Variants in CNBD1 observed in about 807,000 individuals in gnomAD.
CNBD1 encodes cyclic nucleotide-binding domain-containing protein 1.
A neutral mutation model predicts 54.4 loss-of-function variants in CNBD1; 71 were observed. The observed-to-expected ratio is 1.30, with a 90% CI of 1.08 to 1.59. The LOEUF (loss-of-function observed/expected upper bound fraction) is 1.59, where lower values mean the gene tolerates loss of function less well. Ranked by LOEUF, CNBD1 falls within the 40% of genes most tolerant of loss-of-function variation. The pLI, the probability that CNBD1 is intolerant of heterozygous loss-of-function variation, is 0.00. For missense variants in CNBD1, 659 were observed against 518.0 expected, an observed-to-expected ratio of 1.27 and a Z score of -2.64; for synonymous variants, 182 against 170.7, an observed-to-expected ratio of 1.07 and a Z score of -0.51.
intron 6 of CNBD1, among the ~76,000 whole-genome samples, chr8:87,248,567 G>A (rs1269926252): frequency 6.6e-6 from 1 of 152,190 alleles, no homozygotes; most frequent in African/African-American, 2.4e-5. Flanking sequence ...ATGTGGAGAA[G>A]CAGCTTTGAA....
intron 3 of CNBD1, among the ~76,000 whole-genome samples, chr8:86,927,007 G>A (rs1809372950): frequency 6.6e-6 from 1 of 152,166 alleles, no homozygotes; most frequent in South Asian, 2.1e-4. Flanking sequence ...GGAAGACTAA[G>A]GTTCAGGTGC....
chr8:87,005,639 G>T (rs1403428370), intron 4 of CNBD1, among the ~76,000 whole-genome samples: 3 of 151,776 alleles, frequency 2.0e-5, no homozygotes, highest in Non-Finnish European at 2.9e-5. Context: ...GAAAAATTGT[G>T]CCAGACATGT....
intron 2 of CNBD1, among the ~76,000 whole-genome samples, chr8:87,393,016 T>A (rs1171633330): frequency 6.6e-6 from 1 of 151,638 alleles, no homozygotes; most frequent in Non-Finnish European, 1.5e-5. Context: ...TATTTAGAGG[T>A]TTTTGATGTT....
chr8:86,992,339 A>G (rs1808771958), intron 4 of CNBD1, among the ~76,000 whole-genome samples: 1 of 151,560 alleles, frequency 6.6e-6, no homozygotes, highest in Admixed American at 6.6e-5. Flanking sequence ...AACTCCTGCT[A>G]TTTTTGTTTT....
chr8:87,352,639 A>C (rs1232222572), intron 9 of CNBD1, among the ~76,000 whole-genome samples: 1 of 152,194 alleles, frequency 6.6e-6, no homozygotes, highest in Non-Finnish European at 1.5e-5. Context: ...TAAGAATCTC[A>C]AACATACTAT....
intron 4 of CNBD1, among the ~76,000 whole-genome samples, chr8:87,121,536 A>T (rs1254517793): frequency 6.6e-6 from 1 of 151,762 alleles, no homozygotes; most frequent in African/African-American, 2.4e-5. Flanking sequence ...TTAAACTTGT[A>T]ATTTACTCTT....
intron 4 of CNBD1, among the ~76,000 whole-genome samples, chr8:87,000,683 G>T (rs1361478503): frequency 1.3e-5 from 2 of 152,124 alleles, no homozygotes; most frequent in African/African-American, 2.4e-5. Flanking sequence ...TAATTGAATA[G>T]CATCTTAGCT....
chr8:86,931,363 A>T (rs778466725), intron 3 of CNBD1, among the ~76,000 whole-genome samples: 1 of 152,178 alleles, frequency 6.6e-6, no homozygotes, highest in Non-Finnish European at 1.5e-5. Flanking sequence ...TTGTTGGATC[A>T]TCTGGTTGGG....
chr8:86,985,709 A>G (rs1341521359), intron 4 of CNBD1, among the ~76,000 whole-genome samples: 2 of 152,144 alleles, frequency 1.3e-5, no homozygotes, highest in Non-Finnish European at 2.9e-5. Context: ...CTTTGGGTAT[A>G]TACTCAGAAA....
intron 6 of CNBD1, among the ~76,000 whole-genome samples, chr8:87,283,814 A>G (rs528343666): frequency 6.6e-6 from 1 of 152,210 alleles, no homozygotes; most frequent in East Asian, 1.9e-4. Flanking sequence ...TACATGTACA[A>G]CAAGCCTCAG....
intron 2 of CNBD1, among the ~76,000 whole-genome samples, chr8:87,396,214 G>A (rs1811406986): frequency 6.6e-6 from 1 of 151,910 alleles, no homozygotes. Flanking sequence ...TAGGACCATT[G>A]TGACTTATGA....
chr8:87,193,705 G>A lies in CNBD1; in HGVS notation c.432-12288G>A, dbSNP rs534869362. On this transcript the variant is annotated intron_variant, in intron 4 of 10. Coordinates refer to ENST00000518476, the MANE Select transcript of CNBD1 (RefSeq NM_173538.3). ...ATTTTTTTCTTTTATATTTGTCTGCGTAAGAACAGGGAACTGTCTTAACAG... is the reference window on the plus strand; with the variant it reads ...ATTTTTTTCTTTTATATTTGTCTGCATAAGAACAGGGAACTGTCTTAACAG... 6.6e-5 allele frequency among the ~76,000 whole-genome samples: 10 copies of A among 152,022 alleles called. No individual in the cohort carries two copies. In the South Asian group the frequency reaches 8.3e-4, roughly 13 times the overall value.
intron 4 of CNBD1, among the ~76,000 whole-genome samples, chr8:86,961,230 T>G (rs375647371): frequency 2.7e-4 from 41 of 152,238 alleles, no homozygotes; most frequent in Middle Eastern, 3.4e-3. Context: ...AGCTTACCAG[T>G]TTTACTTTGT....
At chr8:87,172,590 T>C (rs137924349) in intron 4 of CNBD1, among the ~76,000 whole-genome samples, 161 of 152,284 alleles carry the variant, frequency 1.1e-3, no homozygotes, top group Non-Finnish European at 1.8e-3. Flanking sequence ...AATTATTATA[T>C]ATTCTTGCTG....
At chr8:86,949,357 C>T (rs1373533028) in intron 4 of CNBD1, among the ~76,000 whole-genome samples, 1 of 152,142 alleles carries the variant, frequency 6.6e-6, no homozygotes, top group East Asian at 1.9e-4. Flanking sequence ...GACATCTTAA[C>T]AATATTGATT....
At chr8:87,320,779 C>A (rs1420916342) in intron 8 of CNBD1, among the ~76,000 whole-genome samples, 1 of 152,108 alleles carries the variant, frequency 6.6e-6, no homozygotes, top group Non-Finnish European at 1.5e-5. Context: ...GCATTATCAA[C>A]TGCAATCACA....
chr8:87,292,787 C>T (rs1808811015), intron 8 of CNBD1, among the ~76,000 whole-genome samples: 1 of 152,174 alleles, frequency 6.6e-6, no homozygotes, highest in Admixed American at 6.5e-5. Flanking sequence ...AGGAGCAGCT[C>T]TCCTTGCAAC....
intron 6 of CNBD1, among the ~76,000 whole-genome samples, chr8:87,250,288 C>T (rs1807888680): frequency 6.6e-6 from 1 of 152,122 alleles, no homozygotes; most frequent in South Asian, 2.1e-4. Context: ...TATCTCACTC[C>T]AATTAAAATG....
chr8:86,963,049 G>A (rs111934111), intron 4 of CNBD1, among the ~76,000 whole-genome samples: 1,897 of 152,236 alleles, frequency 0.012, 30 homozygotes, highest in African/African-American at 0.036. Flanking sequence ...GGAGTAAAAG[G>A]CTTCCCTTTG....
Sources: gnomAD v4.1 joint callset for allele counts (sites outside exome capture counted in the v4.1 genomes callset) on GRCh38, gnomAD v4.1.1 for gene constraint, MANE v1.5 for transcripts, NCBI Gene and HGNC (gene_info 2026-07-23, HGNC 2026-07-21) for gene names.